The following DDX25 variants were observed in gnomAD, a reference collection of about 807,000 sequenced individuals.
The protein encoded by DDX25 is ATP-dependent RNA helicase DDX25.
A neutral mutation model predicts 64.6 loss-of-function variants in DDX25; 70 were observed. The ratio of observed to expected loss-of-function variants is 1.08; its 90% CI spans 0.89 to 1.32. DDX25 has a LOEUF of 1.32. Among genes scored for constraint, DDX25 ranks in the 40% most tolerant of loss-of-function variants. The pLI, the probability that DDX25 is intolerant of heterozygous loss-of-function variation, is 0.00. For missense variants in DDX25, 587 were observed against 604.4 expected, an observed-to-expected ratio of 0.97 and a Z score of 0.30; for synonymous variants, 211 against 213.3, an observed-to-expected ratio of 0.99 and a Z score of 0.09.
At position 125,924,981 on chromosome 11, in the gene DDX25, T is replaced by C. The variant is rs1945154884; in HGVS notation, c.*2100T>C. ...GCATTCTAAGTGCCCAAGGAACCTT[T>C]GTCTTTGTTGAGTAAATTTTTTTTT... On this transcript the variant is annotated 3_prime_UTR_variant, in exon 12 of 12. Transcript: ENST00000263576. The C allele has an allele frequency of 6.0e-6, 1 of 166,598 alleles. No individual in the cohort carries two copies. Among genetic ancestry groups the C allele is most frequent in the Non-Finnish European group, 1.3e-5 (1 of 76,340 alleles). The allele number at this position is 166,598 out of a possible 1,614,324, so 10.3% of individuals were successfully genotyped here.
rs758524145 is a variant in DDX25 at position 125,905,268 on chromosome 11, C to T, written c.120C>T (p.Val40=). The change falls in exon 2 of 12, where the codon GTC becomes GTT. Residue 40 remains valine, a synonymous_variant. Coordinates refer to ENST00000263576, the MANE Select transcript of DDX25 (RefSeq NM_013264.5). The stretch of plus-strand genomic sequence containing the variant: ...TTTGGGGTATTAAGAGTACTGCAGT[C>T]CGAAACATAGGTGAGTGCTGTTAGG... ...KNLWGIKSTA[V]RNIDGSINNI... The T allele has an allele frequency of 2.6e-6, 4 of 1,551,478 alleles. No homozygotes were observed. In the African/African-American group the frequency reaches 5.5e-5, roughly 21 times the overall value.
At chr11:125,905,411 ATCGTT>A in intron 2 of DDX25, 133 bp downstream of exon 2, 2 of 1,338,382 alleles carry the variant, frequency 1.5e-6, no homozygotes, top group South Asian at 2.7e-5. Context: ...TACCTTCCCA[ATCGTT>A]TCGTCCATTC....
At chr11:125,907,388 C>T (rs1229572221) in intron 4 of DDX25, among the ~76,000 whole-genome samples, 2 of 152,148 alleles carry the variant, frequency 1.3e-5, no homozygotes, top group African/African-American at 4.8e-5. Flanking sequence ...GGGGGCGGAT[C>T]ACGAGGTCAG....
intron 4 of DDX25, among the ~76,000 whole-genome samples, chr11:125,907,593 G>A (rs896169382): frequency 6.6e-6 from 1 of 150,602 alleles, no homozygotes; most frequent in Non-Finnish European, 1.5e-5. Flanking sequence ...GGGCGACAGA[G>A]CAAGACTCCG....
At chr11:125,909,048 C>CT (rs1944932215) in intron 6 of DDX25, among the ~76,000 whole-genome samples, 1 of 152,146 alleles carries the variant, frequency 6.6e-6, no homozygotes, top group Admixed American at 6.5e-5. Flanking sequence ...AGGGAAGTGT[C>CT]TTTCTTGAGG....
In DDX25 at chr11:125,908,486, T is replaced by G. The variant is rs765533504; in HGVS notation, c.490T>G (p.Leu164Val). 1.1e-5 allele frequency: 18 copies of G among 1,613,504 alleles called. No homozygotes were observed. In the East Asian group the frequency reaches 4.0e-4, roughly 36 times the overall value. The change falls in exon 6 of 12, where the codon TTG becomes GTG. Residue 164 changes from leucine to valine, a missense_variant. Leu to Val is a conservative substitution (Grantham distance 32, BLOSUM62 1). Transcript: ENST00000263576. ...GGCAATGTTAAGCAGAGTTAATGCC[T>G]TGGAATTGTTCCCACAGGTAAGGGA... ...VLAMLSRVNA[L>V]ELFPQCLCLA...
At chr11:125,916,166 C>G (rs1028251347) in intron 8 of DDX25, among the ~76,000 whole-genome samples, 1 of 152,200 alleles carries the variant, frequency 6.6e-6, no homozygotes, top group Non-Finnish European at 1.5e-5. Context: ...AGTGCTCTGT[C>G]TCCTTCTCAA....
intron 10 of DDX25, among the ~76,000 whole-genome samples, chr11:125,919,861 CT>C (rs1205505762): frequency 1.3e-5 from 2 of 152,238 alleles, no homozygotes; most frequent in Non-Finnish European, 2.9e-5. Context: ...TGGGTAGCCA[CT>C]AGCCATATCA....
intron 10 of DDX25, among the ~76,000 whole-genome samples, chr11:125,920,619 G>C (rs574418736): frequency 1.3e-5 from 2 of 152,198 alleles, no homozygotes; most frequent in South Asian, 4.2e-4. Flanking sequence ...GTACAATTTG[G>C]GCAGTGGGTT....
chr11:125,919,257 G>A (rs1430208054), intron 10 of DDX25, among the ~76,000 whole-genome samples: 1 of 152,162 alleles, frequency 6.6e-6, no homozygotes, highest in Non-Finnish European at 1.5e-5. Context: ...AAAAATTCAT[G>A]TGCAGGTCTG....
At chr11:125,906,264 C>T (rs538938954) in intron 4 of DDX25, 55 bp downstream of exon 4, 309 of 1,491,494 alleles carry the variant, frequency 2.1e-4, no homozygotes, top group East Asian at 1.5e-3. Context: ...ACAGAACAAA[C>T]GCATCTGCTT....
chr11:125,917,132 C>G lies in DDX25; in HGVS notation c.919C>G (p.Leu307Val). Residue 307 changes from leucine (L) to valine (V), a missense_variant, in exon 9 of 12, where the codon CTC becomes GTC. Transcript: ENST00000263576. ...PNVIKLRKEE[L>V]TLNNIRQYYV... ...TGTTATCAAGTTACGCAAAGAGGAG[C>G]TCACACTGAACAACATCCGGCAATA... 1 of 1,610,696 alleles carries G rather than the reference C, an allele frequency of 6.2e-7. No homozygotes were observed. The highest frequency in any genetic ancestry group is 8.5e-7 in the Non-Finnish European group (1 of 1,178,696).
At chr11:125,913,654 G>A (rs960223120) in intron 8 of DDX25, among the ~76,000 whole-genome samples, 4 of 151,338 alleles carry the variant, frequency 2.6e-5, no homozygotes, top group African/African-American at 9.7e-5. Flanking sequence ...GAAGCCTTTG[G>A]AGTCTTCTTT....
Position 125,917,189 on chromosome 11 carries a change from T to C in DDX25, c.976T>C (p.Tyr326His). The change falls in exon 9 of 12, where the codon TAC (tyrosine) becomes CAC (histidine). Residue 326 changes from tyrosine (Y) to histidine (H), a missense_variant. Coordinates refer to ENST00000263576, the MANE Select transcript of DDX25 (RefSeq NM_013264.5). ...GCTGTGTGAGCACAGGAAAGACAAA[T>C]ACCAAGCTCTGTGCAACATTTATGG... ...YVLCEHRKDKYQALCNIYGSI... is the reference protein window; with the variant it reads ...YVLCEHRKDKHQALCNIYGSI... 2 of 1,611,302 alleles carry C rather than the reference T, an allele frequency of 1.2e-6. No homozygotes were observed. The highest frequency in any genetic ancestry group is 2.2e-5 in the South Asian group (2 of 90,016).
At chr11:125,917,713 C>G (rs1945057202) in intron 9 of DDX25, among the ~76,000 whole-genome samples, 2 of 152,194 alleles carry the variant, frequency 1.3e-5, no homozygotes, top group Non-Finnish European at 2.9e-5. Flanking sequence ...ACTCCCATAT[C>G]CACTGCACTA....
intron 8 of DDX25, among the ~76,000 whole-genome samples, chr11:125,913,157 C>CAAA (rs1267424794): frequency 1.5e-5 from 1 of 68,484 alleles, no homozygotes; most frequent in Non-Finnish European, 3.1e-5. Flanking sequence ...GACTCCATTT[C>CAAA]AAAAAAAAAA....
intron 8 of DDX25, among the ~76,000 whole-genome samples, chr11:125,915,743 T>A (rs1016100446): frequency 6.6e-6 from 1 of 152,150 alleles, no homozygotes; most frequent in Admixed American, 6.6e-5. Flanking sequence ...TCTTTCCCCC[T>A]GATTCTCTGG....
At position 125,920,982 on chromosome 11, in the gene DDX25, A is replaced by T. The variant is rs144238081; in HGVS notation, c.1202-209A>T. 178 of 554,108 alleles carry T rather than the reference A, an allele frequency of 3.2e-4. 1 individual carries two copies. The East Asian group carries it at 5.1e-3, about 16-fold the overall frequency. The allele number at this position is 554,108 out of a possible 1,614,324, so 34.3% of individuals were successfully genotyped here. A position where few individuals can be genotyped will look rare whatever the true frequency, so the allele number is the denominator to read the frequency against. On this transcript the variant is annotated intron_variant, in intron 10 of 11. Transcript: ENST00000263576. Reference sequence around the variant, plus strand: ...TTGTGTATATTTACATTTCTGTAGCATTCTCTATGGACACGCTCATCTAGC... The same window carrying T: ...TTGTGTATATTTACATTTCTGTAGCTTTCTCTATGGACACGCTCATCTAGC...
rs1373271166 is a variant in DDX25, at chr11:125,904,597, C to G, written c.63+17C>G. On this transcript the variant is annotated intron_variant, in intron 1 of 11. Coordinates refer to ENST00000263576, the MANE Select transcript of DDX25 (RefSeq NM_013264.5). Reference sequence around the variant, plus strand: ...AACAGCCACGTAACCGCCACCGAGCCGGGGGGCCACAGCCGCGGGGGTGGA... The same window carrying G: ...AACAGCCACGTAACCGCCACCGAGCGGGGGGGCCACAGCCGCGGGGGTGGA... The G allele has an allele frequency of 1.8e-5, 26 of 1,455,224 alleles. No homozygotes were observed. The highest frequency in any genetic ancestry group is 2.2e-5 in the Non-Finnish European group (24 of 1,104,420). The allele number at this position is 1,455,224 out of a possible 1,614,324, so 90.1% of individuals were successfully genotyped here.
Sources: allele counts gnomAD v4.1 joint callset (sites outside exome capture counted in the v4.1 genomes callset), GRCh38; gene constraint gnomAD v4.1.1; transcripts MANE v1.5; gene names NCBI Gene and HGNC (gene_info 2026-07-23, HGNC 2026-07-21).